The following TSHZ3 variants were observed in gnomAD, a reference collection of about 807,000 sequenced individuals.
The protein encoded by TSHZ3 is teashirt zinc finger homeobox 3.
TSHZ3 carries 10 observed loss-of-function variants against 64.5 expected under a neutral mutation model. The observed-to-expected ratio is 0.16, with a 90% CI of 0.10 to 0.26. The LOEUF is 0.26. Among genes scored for constraint, TSHZ3 ranks in the 10% least tolerant of loss-of-function variants. TSHZ3 has a pLI of 1.00. For synonymous variants in TSHZ3, 608 were observed against 593.1 expected (o/e 1.03, Z -0.36); for missense variants, 1,242 against 1,421.7 (o/e 0.87, Z 2.03).
rs1312207953 is a variant in TSHZ3 at position 31,278,396 on chromosome 19, A to C, written c.1397T>G (p.Leu466Arg). 1 of 1,613,744 alleles carries C rather than the reference A, an allele frequency of 6.2e-7. No homozygotes were observed. The highest frequency in any genetic ancestry group is 1.3e-5 in the African/African-American group (1 of 74,766). Residue 466 changes from leucine to arginine, a missense_variant, in exon 2 of 2, where the codon CTG becomes CGG. Leu to Arg is a moderately radical substitution (Grantham distance 102, BLOSUM62 -2). Coordinates refer to ENST00000240587, the MANE Select transcript of TSHZ3 (RefSeq NM_020856.4). The surrounding 1 kb of genome is among the most constrained non-coding windows in gnomAD (Gnocchi z 4.7). ...GACTTCCTTCTTGACCTCCACATTC[A>C]GTTTTGGGGAGATGCTGGCAGGTGT... is the stretch of plus-strand genomic sequence containing the variant. ...SNTPASISPKLNVEVKKEVDK... is the reference protein window; with the variant it reads ...SNTPASISPKRNVEVKKEVDK...
chr19:31,308,749 C>T (rs562153502), intron 1 of TSHZ3: 1 of 398,560 alleles, frequency 2.5e-6, no homozygotes, highest in South Asian at 1.3e-4. Context: ...GTCTAAGACC[C>T]CTGCTGAAAT....
intron 4 of TSHZ3, among the ~76,000 whole-genome samples, chr19:31,221,977 A>G (rs1325876496): frequency 6.6e-6 from 1 of 152,190 alleles, no homozygotes; most frequent in East Asian, 1.9e-4. Context: ...GAGTACAGTG[A>G]CATGAGGTCA....
chr19:31,214,622 AGGCAGGCCGGGCGT>A (rs1346518524), intron 4 of TSHZ3, among the ~76,000 whole-genome samples: 1 of 152,192 alleles, frequency 6.6e-6, no homozygotes, highest in East Asian at 1.9e-4. Flanking sequence ...CTAAAGAATC[AGGCAGGCCGGGCGT>A]GGTGGCCCAC....
intron 1 of TSHZ3, among the ~76,000 whole-genome samples, chr19:31,299,263 G>A (rs1327512513): frequency 3.9e-5 from 6 of 152,158 alleles, no homozygotes; most frequent in African/African-American, 1.4e-4. Flanking sequence ...GCTGGAGTCC[G>A]GCCACGCCAC....
At chr19:31,213,885 G>C (rs185856840) in intron 4 of TSHZ3, among the ~76,000 whole-genome samples, 1 of 152,226 alleles carries the variant, frequency 6.6e-6, no homozygotes, top group South Asian at 2.1e-4. Context: ...CTGGAGTTTA[G>C]ACAATTATCT....
intron 3 of TSHZ3, among the ~76,000 whole-genome samples, chr19:31,239,924 T>A (rs906216831): frequency 2.0e-5 from 3 of 152,222 alleles, no homozygotes; most frequent in Non-Finnish European, 4.4e-5. Context: ...CAGTAAGTTA[T>A]TTTTATCCTT....
intron 1 of TSHZ3, among the ~76,000 whole-genome samples, chr19:31,299,389 A>G (rs142095295): frequency 2.2e-4 from 33 of 152,280 alleles, no homozygotes; most frequent in African/African-American, 7.9e-4. Context: ...AAACTATGCA[A>G]GGTAGATAAA....
chr19:31,340,483 C>G (rs751669984), intron 1 of TSHZ3, among the ~76,000 whole-genome samples: 3 of 148,316 alleles, frequency 2.0e-5, no homozygotes, highest in Non-Finnish European at 4.4e-5. Flanking sequence ...ACAAGAGAGA[C>G]GCACACAGAA....
intron 1 of TSHZ3, among the ~76,000 whole-genome samples, chr19:31,295,454 A>T: frequency 6.6e-6 from 1 of 152,254 alleles, no homozygotes; most frequent in East Asian, 1.9e-4. Flanking sequence ...TCCTGTCCAC[A>T]TGCTAGAGTG....
chr19:31,327,122 CAT>C (rs1472351304), intron 1 of TSHZ3, among the ~76,000 whole-genome samples: 5 of 151,692 alleles, frequency 3.3e-5, no homozygotes, highest in African/African-American at 9.7e-5. Context: ...TTAGAAAAAA[CAT>C]AGAATTAAAC....
At chr19:31,223,296 G>T (rs1475945320) in intron 4 of TSHZ3, among the ~76,000 whole-genome samples, 1 of 152,002 alleles carries the variant, frequency 6.6e-6, no homozygotes, top group Non-Finnish European at 1.5e-5. Context: ...CTGTATTTGT[G>T]GGGCCTCATG....
At chr19:31,241,392 C>T (rs751076366) in intron 3 of TSHZ3, among the ~76,000 whole-genome samples, 1 of 152,154 alleles carries the variant, frequency 6.6e-6, no homozygotes, top group Non-Finnish European at 1.5e-5. Context: ...AGATGTTAAC[C>T]ATATGCTCAA....
At chr19:31,309,801 AC>A (rs145777451) in intron 1 of TSHZ3, among the ~76,000 whole-genome samples, 1,597 of 151,716 alleles carry the variant, frequency 0.011, 29 homozygotes, top group African/African-American at 0.037. Context: ...GCTTTCTTTC[AC>A]CCCCTGGGAT....
chr19:31,226,205 C>T (rs76045147), intron 4 of TSHZ3, among the ~76,000 whole-genome samples: 2,207 of 151,854 alleles, frequency 0.015, 57 homozygotes, highest in African/African-American at 0.049. Context: ...CCCACTCTTT[C>T]GACTCCTTCA....
chr19:31,320,623 T>C lies in TSHZ3; in HGVS notation c.40+28557A>G, dbSNP rs139923971. ...TTCAGGATGATCTGAGTAACTGACCTCTCCCTGGACCTAAGCCTTTGAAGG... is the reference window on the plus strand; with the variant it reads ...TTCAGGATGATCTGAGTAACTGACCCCTCCCTGGACCTAAGCCTTTGAAGG... On this transcript the variant is annotated intron_variant, in intron 1 of 1. Transcript: ENST00000240587. 1.5e-3 allele frequency among the ~76,000 whole-genome samples: 234 copies of C among 152,208 alleles called. 1 individual carries two copies. The highest frequency in any genetic ancestry group is 3.4e-3 in the Middle Eastern group (1 of 294).
At chr19:31,271,567 G>A (rs532878031), downstream of TSHZ3, among the ~76,000 whole-genome samples, 1 of 152,136 alleles carries the variant, frequency 6.6e-6, no homozygotes, top group Non-Finnish European at 1.5e-5. Context: ...CTACCCAAAT[G>A]AGCCAGATTA....
chr19:31,331,183 C>G (rs750877739), intron 1 of TSHZ3, among the ~76,000 whole-genome samples: 5 of 152,072 alleles, frequency 3.3e-5, no homozygotes, highest in African/African-American at 7.2e-5. Context: ...TCAGAGGGCA[C>G]GCGGGGAATG....
In TSHZ3 at chr19:31,346,843, GT is replaced by G. The variant is rs550322247; in HGVS notation, c.40+2336del. Among the ~76,000 whole-genome samples the G allele has an allele frequency of 2.9e-3, 416 of 145,668 alleles. 3 individuals are homozygous for G. The highest frequency in any genetic ancestry group is 7.6e-3 in the African/African-American group (303 of 39,886). On this transcript the variant is annotated intron_variant, in intron 1 of 1. Transcript: ENST00000240587. ...TACTTATCACCAGCCTAAATGTGGA[GT>G]TTTTTTTTTTTCTCTCCACTCTTCT...
At chr19:31,252,153 C>T (rs946824140) in intron 1 of TSHZ3, among the ~76,000 whole-genome samples, 2 of 152,192 alleles carry the variant, frequency 1.3e-5, no homozygotes, top group Non-Finnish European at 2.9e-5. Flanking sequence ...TTTATTTTCT[C>T]ACAGCTCTGG....
Sources: gnomAD v4.1 joint callset for allele counts (sites outside exome capture counted in the v4.1 genomes callset) on GRCh38, gnomAD v4.1.1 for gene constraint, Gnocchi (gnomAD v3.1) non-coding constraint, MANE v1.5 for transcripts, NCBI Gene and HGNC (gene_info 2026-07-23, HGNC 2026-07-21) for gene names.